ATP5F1A: variants seen among roughly 807,000 people sequenced by gnomAD.
ATP5F1A encodes the protein ATP synthase F1 subunit alpha.
In ATP5F1A, 24 loss-of-function variants were observed where a neutral mutation model predicts 57.4. The observed-to-expected ratio is 0.42, with a 90% CI of 0.30 to 0.59. ATP5F1A has a LOEUF of 0.59. Among genes scored for constraint, ATP5F1A ranks in the 20% least tolerant of loss-of-function variants. The pLI is 0.19. For missense variants in ATP5F1A, 494 were observed against 707.9 expected, an observed-to-expected ratio of 0.70 and a Z score of 3.43; for synonymous variants, 251 against 255.5, an observed-to-expected ratio of 0.98 and a Z score of 0.17.
In ATP5F1A at chr18:46,092,793, G is replaced by A. The variant is rs568864429; in HGVS notation, c.140-942C>T. Among the ~76,000 whole-genome samples, 10 of 151,950 alleles carry A rather than the reference G, an allele frequency of 6.6e-5. No individual in the cohort carries two copies. The East Asian group carries it at 1.3e-3, about 21-fold the overall frequency. On this transcript the variant is annotated intron_variant, in intron 2 of 11. Transcript: ENST00000398752. ...ATAAATGTTCTCCTTTAATTTCTAA[G>A]AAATCTGTAACTATGTTAAAACCTG...
intron 5 of ATP5F1A, chr18:46,089,350 C>T (rs1910372894): frequency 1.4e-5 from 8 of 555,368 alleles, no homozygotes; most frequent in Non-Finnish European, 2.5e-5. Context: ...TTAAGAGTCC[C>T]ATGCTCTACC....
At chr18:46,098,689 C>G (rs760564665), upstream of ATP5F1A, among the ~76,000 whole-genome samples, 2 of 152,074 alleles carry the variant, frequency 1.3e-5, no homozygotes, top group Non-Finnish European at 2.9e-5. Flanking sequence ...TGGTTTAGCA[C>G]GAGTAGCAAC....
At chr18:46,098,503 A>G (rs1911154804), upstream of ATP5F1A, 1 of 1,094,158 alleles carries the variant, frequency 9.1e-7, no homozygotes, top group Non-Finnish European at 1.2e-6. Flanking sequence ...TTATACATTT[A>G]TTTTGGTCTT....
chr18:46,097,780 A>C (rs1439082912), intron 1 of ATP5F1A: 10 of 1,025,450 alleles, frequency 9.8e-6, no homozygotes, highest in Non-Finnish European at 1.2e-5. Context: ...AGCTGACAGC[A>C]GTTTTCTGAC....
In ATP5F1A at chr18:46,087,057, T is replaced by C; in HGVS notation, c.1127A>G (p.Asp376Gly). 1 of 1,614,076 alleles carries C rather than the reference T, an allele frequency of 6.2e-7. No individual in the cohort carries two copies. The highest frequency in any genetic ancestry group is 8.5e-7 in the Non-Finnish European group (1 of 1,179,954). ...ATTTGTTGGAATGTAAGCAGACACATCACCAGCCTGTGTTTCTATGACTGG... is the reference window on the plus strand; with the variant it reads ...ATTTGTTGGAATGTAAGCAGACACACCACCAGCCTGTGTTTCTATGACTGG... ...ALPVIETQAG[D>G]VSAYIPTNVI... The change falls in exon 8 of 12, where the codon GAT becomes GGT. Residue 376 changes from aspartate (D) to glycine (G), a missense_variant. By Grantham distance (94) the Asp-to-Gly change is moderately conservative (BLOSUM62 -1). This residue lies in a region of ATP5F1A where 4 missense variants were observed against 41.7 expected (regional missense o/e 0.10). Coordinates refer to ENST00000398752, the MANE Select transcript of ATP5F1A (RefSeq NM_004046.6).
chr18:46,085,335 A>C (rs1014488427), intron 10 of ATP5F1A: 2 of 151,308 alleles, frequency 1.3e-5, no homozygotes, highest in Admixed American at 6.6e-5. Flanking sequence ...GAAAGAAAGA[A>C]AAAGAAAGAT....
chr18:46,102,205 T>A (rs1911296247), upstream of ATP5F1A, among the ~76,000 whole-genome samples: 1 of 152,122 alleles, frequency 6.6e-6, no homozygotes, highest in South Asian at 2.1e-4. Flanking sequence ...GGATATTTTG[T>A]AAAATTTGTA....
At chr18:46,098,362 A>AGGGGGGGGGGCGC, upstream of ATP5F1A, 1 of 1,281,404 alleles carries the variant, frequency 7.8e-7, no homozygotes, top group Non-Finnish European at 1.0e-6. Context: ...CCTCGCGTTC[A>AGGGGGGGGGGCGC]CCACCTCTCC....
exon 1 of ATP5F1A, chr18:46,104,227 T>C: frequency 4.6e-6 from 2 of 435,358 alleles, no homozygotes. Flanking sequence ...AGGCTTGCAA[T>C]GCCAGAGCCT....
rs72903448 is a variant in ATP5F1A, at chr18:46,104,144, T to C, written c.-56A>G. The stretch of plus-strand genomic sequence containing the variant: ...AAAGAAAGAAAAAACAACCTGGTTC[T>C]AGGCGGCTCTATCTCTCGTAGTGTT... On this transcript the variant is annotated 5_prime_UTR_variant, in exon 1 of 13. Coordinates refer to the ATP5F1A transcript ENST00000282050. 23,481 of 392,750 alleles carry C rather than the reference T, an allele frequency of 0.06. 927 individuals carry two copies. Among genetic ancestry groups the C allele is most frequent in the African/African-American group, 0.13 (6,348 of 48,572 alleles). 24.3% of individuals were successfully genotyped at this position (392,750 alleles called of 1,614,324 possible).
chr18:46,095,814 G>C (rs1910904927), intron 1 of ATP5F1A, among the ~76,000 whole-genome samples: 1 of 151,860 alleles, frequency 6.6e-6, no homozygotes, highest in African/African-American at 2.4e-5. Flanking sequence ...ATAGAGACAG[G>C]ATTTCATCAT....
intron 8 of ATP5F1A, chr18:46,086,731 T>A (rs1157575189): frequency 3.4e-6 from 2 of 595,464 alleles, no homozygotes; most frequent in African/African-American, 3.8e-5. Flanking sequence ...ACAAATGAAG[T>A]GATATAATTT....
At chr18:46,102,032 G>A (rs563087157), upstream of ATP5F1A, among the ~76,000 whole-genome samples, 68 of 152,066 alleles carry the variant, frequency 4.5e-4, no homozygotes, top group African/African-American at 1.6e-3. Context: ...AAATTAGCCG[G>A]GTGTGGTGGC....
chr18:46,102,326 T>G (rs957981750), upstream of ATP5F1A, among the ~76,000 whole-genome samples: 4 of 148,934 alleles, frequency 2.7e-5, no homozygotes, highest in East Asian at 4.0e-4. Context: ...TTAGTTTTTG[T>G]TTTTTTTTGT....
In ATP5F1A at chr18:46,080,623, T is replaced by A. The variant is rs573209490; in HGVS notation, c.*3659A>T. ...AGATCTTGAAGTCTTCTAGCACAAC[T>A]TTTTTTAAGAGTCAGGGTCTCTGTC... On this transcript the variant is annotated 3_prime_UTR_variant, in exon 12 of 12. Transcript: ENST00000398752. The A allele has an allele frequency of 7.0e-6, 1 of 142,432 alleles. No individual in the cohort carries two copies. The highest frequency in any genetic ancestry group is 1.9e-4 in the East Asian group (1 of 5,130). The allele number at this position is 142,432 out of a possible 1,614,324, so 8.8% of individuals were successfully genotyped here.
chr18:46,098,031 G>A, intron 1 of ATP5F1A, 141 bp downstream of exon 1: 1 of 1,431,880 alleles, frequency 7.0e-7, no homozygotes, highest in African/African-American at 1.4e-5. Flanking sequence ...CGCCTGCTCT[G>A]TCCAGCCGGA....
At chr18:46,089,756 C>T in intron 4 of ATP5F1A, 24 bp from the exon 5 acceptor site, 1 of 1,612,894 alleles carries the variant, frequency 6.2e-7, no homozygotes. Context: ...AAAAGAAAAA[C>T]CCTAAGCATA....
chr18:46,086,545 C>T (rs772102630), intron 8 of ATP5F1A, 51 bp from the exon 9 acceptor site: 1 of 1,523,608 alleles, frequency 6.6e-7, no homozygotes, highest in African/African-American at 1.4e-5. Flanking sequence ...AAGAAATCAA[C>T]TATCTTCAAA....
intron 1 of ATP5F1A, 104 bp from the exon 2 acceptor site, chr18:46,095,235 A>C (rs1910855525): frequency 4.8e-6 from 5 of 1,044,036 alleles, no homozygotes; most frequent in Non-Finnish European, 7.0e-6. Context: ...ACTGGTGAAA[A>C]TGCTAATTAC....
Sources: gnomAD v4.1 joint callset for allele counts (sites outside exome capture counted in the v4.1 genomes callset) on GRCh38, gnomAD v4.1.1 for gene constraint, gnomAD v4.1.1 regional missense constraint, MANE v1.5 for transcripts, NCBI Gene and HGNC (gene_info 2026-07-23, HGNC 2026-07-21) for gene names.